Variants in MICAL3 observed in about 807,000 individuals in gnomAD.
MICAL3 encodes the protein microtubule associated monooxygenase, calponin and LIM domain containing 3.
In MICAL3, 62 loss-of-function variants were observed where a neutral mutation model predicts 207.4. The observed-to-expected ratio is 0.30, with a 90% CI of 0.24 to 0.37. The LOEUF (loss-of-function observed/expected upper bound fraction) is 0.37. MICAL3 is among the 10% of genes least tolerant of loss of function. MICAL3 has a pLI of 1.00. For synonymous variants in MICAL3, 1,077 were observed against 1,069.3 expected, an observed-to-expected ratio of 1.01 and a Z score of -0.14; for missense variants, 2,368 against 2,635.6, an observed-to-expected ratio of 0.90 and a Z score of 2.22.
chr22:17,891,532 A>G lies in MICAL3; in HGVS notation c.1647T>C (p.Ser549=). Reference sequence around the variant, plus strand: ...GGATAATTGCACAAAGGGCCAAGCCACTTTTCCAGGACATGGTGAGATCTG... The same window carrying G: ...GGATAATTGCACAAAGGGCCAAGCCGCTTTTCCAGGACATGGTGAGATCTG... ...NVTDLTMSWK[S]GLALCAIIHR... Residue 549 remains serine (S), a synonymous_variant, in exon 12 of 32, where the codon AGT becomes AGC. Coordinates refer to ENST00000441493, the MANE Select transcript of MICAL3 (RefSeq NM_015241.3). 1 of 1,614,032 alleles carries G rather than the reference A, an allele frequency of 6.2e-7. No homozygotes were observed. Among genetic ancestry groups the G allele is most frequent in the Non-Finnish European group, 8.5e-7 (1 of 1,179,876 alleles).
intron 16 of MICAL3, chr22:17,872,634 C>T: frequency 1.4e-6 from 1 of 697,902 alleles, no homozygotes; most frequent in Non-Finnish European, 2.6e-6. Context: ...ACCTCAAAAG[C>T]AATTACCGCA....
chr22:17,907,941 T>G (rs1178550434), intron 1 of MICAL3, among the ~76,000 whole-genome samples: 1 of 152,162 alleles, frequency 6.6e-6, no homozygotes, highest in Non-Finnish European at 1.5e-5. Flanking sequence ...GCCTTCCACC[T>G]ATGGAAATGT....
intron 1 of MICAL3, among the ~76,000 whole-genome samples, chr22:17,915,029 T>G (rs888702193): frequency 2.6e-5 from 4 of 152,046 alleles, no homozygotes; most frequent in African/African-American, 9.7e-5. Flanking sequence ...AGCCCTGCCC[T>G]CAGGGGTGAT....
chr22:18,004,942 T>TA (rs397724397), intron 1 of MICAL3: 4 of 151,736 alleles, frequency 2.6e-5, no homozygotes, highest in African/African-American at 7.3e-5. Context: ...TGTTTTTTTT[T>TA]ATTTTTTTTG....
At chr22:17,892,990 G>A (rs1930506906) in intron 11 of MICAL3, among the ~76,000 whole-genome samples, 1 of 152,116 alleles carries the variant, frequency 6.6e-6, no homozygotes, top group South Asian at 2.1e-4. Context: ...TCCACCACAG[G>A]CCCGGCACTC....
At chr22:18,019,496 A>C (rs951800486) in intron 1 of MICAL3, 2 of 152,200 alleles carry the variant, frequency 1.3e-5, no homozygotes, top group Non-Finnish European at 2.9e-5. Context: ...GGAGGTCGAG[A>C]CCAGCCTGGC....
intron 1 of MICAL3, among the ~76,000 whole-genome samples, chr22:17,995,146 C>G (rs1439053530): frequency 6.6e-6 from 1 of 152,128 alleles, no homozygotes; most frequent in South Asian, 2.1e-4. Context: ...AACAGTCTCA[C>G]TTCTTCTCTC....
At chr22:17,833,057 G>A (rs1467095498) in intron 20 of MICAL3, among the ~76,000 whole-genome samples, 15 of 152,106 alleles carry the variant, frequency 9.9e-5, no homozygotes, top group Non-Finnish European at 1.5e-4. Flanking sequence ...ATAGGAAGCC[G>A]CACACCTGTA....
chr22:17,904,591 G>A, intron 3 of MICAL3, 41 bp downstream of exon 3: 1 of 1,455,332 alleles, frequency 6.9e-7, no homozygotes, highest in South Asian at 1.1e-5. Context: ...AAGCGTGCAA[G>A]GGGTAGGGTG....
intron 10 of MICAL3, among the ~76,000 whole-genome samples, chr22:17,894,395 CAA>C (rs57537906): frequency 4.2e-4 from 36 of 86,140 alleles, no homozygotes; most frequent in Admixed American, 9.3e-4. Context: ...GACTCTGTCT[CAA>C]AAAAAAAAAA....
chr22:17,999,418 G>A (rs115999944), intron 1 of MICAL3, among the ~76,000 whole-genome samples: 4 of 152,236 alleles, frequency 2.6e-5, no homozygotes, highest in East Asian at 1.9e-4. Flanking sequence ...GAATGGGGGG[G>A]ACCTCATTAC....
At chr22:17,884,307 C>T (rs1465344836) in intron 16 of MICAL3, 5 of 1,591,472 alleles carry the variant, frequency 3.1e-6, no homozygotes, top group Non-Finnish European at 4.3e-6. Flanking sequence ...GCAGGGCGAA[C>T]CTGCCCAGGC....
Position 17,817,874 on chromosome 22 carries a change from C to T in MICAL3, c.4787G>A (p.Arg1596His), listed in dbSNP as rs373879471. Residue 1596 changes from arginine (R) to histidine (H), a missense_variant, in exon 26 of 32, where the codon CGC becomes CAC. Physicochemically the swap from Arg to His is conservative, Grantham distance 29. Around this residue, in one of 4 missense-constraint regions of MICAL3, gnomAD observed 1,770 missense variants for 1,863.2 expected, o/e 0.95. Transcript: ENST00000441493. ...SAEAKELAEE[R>H]MRAREKSVKS... ...CACGGACTTCTCCCTGGCTCGCATG[C>T]GCTCCTCGGCCAACTCCTTGGCTTC... The T allele has an allele frequency of 5.0e-6, 8 of 1,612,314 alleles. No homozygotes were observed. Among genetic ancestry groups the T allele is most frequent in the Admixed American group, 1.7e-5 (1 of 60,004 alleles).
chr22:17,857,982 C>T (rs1225961070), intron 19 of MICAL3, among the ~76,000 whole-genome samples: 2 of 152,146 alleles, frequency 1.3e-5, no homozygotes, highest in African/African-American at 4.8e-5. Context: ...CATTAAAGGG[C>T]CCCCAAAATA....
chr22:17,876,879 G>A (rs1488521293), intron 16 of MICAL3: 5 of 144,218 alleles, frequency 3.5e-5, no homozygotes, highest in South Asian at 2.1e-4. Flanking sequence ...GGTTAGGGAG[G>A]TTAGGGAGGT....
intron 25 of MICAL3, among the ~76,000 whole-genome samples, chr22:17,820,538 T>C (rs994086479): frequency 1.3e-5 from 2 of 152,136 alleles, no homozygotes; most frequent in Non-Finnish European, 2.9e-5. Context: ...GTATTGTTAG[T>C]AGAGACAGGC....
Position 17,841,845 on chromosome 22 carries a change from G to A in MICAL3, c.2778C>T (p.Gly926=), listed in dbSNP as rs2049930632. Residue 926 remains glycine (G), a synonymous_variant, in exon 20 of 32, where the codon GGC becomes GGT. Transcript: ENST00000441493. The surrounding 1 kb of genome is among the most constrained non-coding windows in gnomAD (Gnocchi z 4.2). ...EHNLSSVLDT[G]AEEDVASSSS... ...ACCTGCTGGCGACGTCCTCCTCGGC[G>A]CCCGTGTCCAGCACGCTGCTCAGGT... is the stretch of plus-strand genomic sequence containing the variant. 27 of 1,556,362 alleles carry A rather than the reference G, an allele frequency of 1.7e-5. No homozygotes were observed. Among genetic ancestry groups the A allele is most frequent in the Non-Finnish European group, 2.2e-5 (25 of 1,153,862 alleles).
In MICAL3 at chr22:17,864,928, G is replaced by A. The variant is rs908655850; in HGVS notation, c.2576C>T (p.Ala859Val). The A allele has an allele frequency of 6.2e-7, 1 of 1,613,716 alleles. No individual in the cohort carries two copies. The highest frequency in any genetic ancestry group is 1.3e-5 in the African/African-American group (1 of 74,902). The stretch of plus-strand genomic sequence containing the variant: ...GGTTCTCTCAGTGGAGCTGGCCACG[G>A]CGTTGGCCCGTCCGTTTGCATCTGT... ...ATTDANGRAN[A>V]VASSTERTPG... Residue 859 changes from alanine (A) to valine (V), a missense_variant, in exon 19 of 32, where the codon GCC becomes GTC. Ala to Val is a moderately conservative substitution (Grantham distance 64, BLOSUM62 0). Coordinates refer to ENST00000441493, the MANE Select transcript of MICAL3 (RefSeq NM_015241.3).
intron 21 of MICAL3, among the ~76,000 whole-genome samples, chr22:17,829,468 C>CT (rs763327518): frequency 1.6e-4 from 24 of 152,212 alleles, no homozygotes; most frequent in Admixed American, 5.2e-4. Context: ...TGCACCCGGC[C>CT]GTCAATTTGC....
Sources: gnomAD v4.1 joint callset for allele counts (sites outside exome capture counted in the v4.1 genomes callset) on GRCh38, gnomAD v4.1.1 for gene constraint, gnomAD v4.1.1 regional missense constraint, Gnocchi (gnomAD v3.1) non-coding constraint, MANE v1.5 for transcripts, NCBI Gene and HGNC (gene_info 2026-07-23, HGNC 2026-07-21) for gene names.